PSMD6: variants seen among roughly 807,000 people sequenced by gnomAD.
PSMD6 encodes proteasome 26S subunit, non-ATPase 6.
Under a neutral mutation model 44.9 loss-of-function variants are expected in PSMD6, and 7 were observed. That is an observed-to-expected ratio of 0.16 (90% CI 0.09 to 0.29). The LOEUF is 0.29. Ranked by LOEUF, PSMD6 falls within the 10% of genes least tolerant of loss-of-function variation. The probability of loss-of-function intolerance (pLI) is 1.00; values close to 1 mark genes in which losing one functional copy is unlikely to be tolerated. For synonymous variants in PSMD6, 184 were observed against 172.7 expected (o/e 1.07, Z -0.51); for missense variants, 420 against 482.6 (o/e 0.87, Z 1.21).
At position 64,010,855 on chromosome 3, in the gene PSMD6, C is replaced by CT. The variant is rs1418648303; in HGVS notation, c.1073+22dup. ...CTACTTTTAAAATTTAGGAATGCCC[C>CT]TTATTCTGAGAAATGAGAGTACCTG... is the stretch of plus-strand genomic sequence containing the variant. On this transcript the variant is annotated intron_variant, in intron 7 of 7. Transcript: ENST00000295901. 1.9e-6 allele frequency: 3 copies of CT among 1,590,666 alleles called. No homozygotes were observed. In the South Asian group the frequency reaches 3.4e-5, roughly 18 times the overall value.
At chr3:64,023,978 A>G (rs1433308780), upstream of PSMD6, 3 of 528,174 alleles carry the variant, frequency 5.7e-6, no homozygotes, top group Non-Finnish European at 9.5e-6. Context: ...GAAAACCCCT[A>G]TCTAGAACTC....
Position 64,018,587 on chromosome 3 carries a change from C to G in PSMD6, c.826+12G>C. On this transcript the variant is annotated intron_variant, in intron 5 of 7. Coordinates refer to ENST00000295901, the MANE Select transcript of PSMD6 (RefSeq NM_014814.3). ...GAAGACAGATAATCAAAAATATCAACCCTATCCTTACCTAATGATTGGAAG... is the reference window on the plus strand; with the variant it reads ...GAAGACAGATAATCAAAAATATCAAGCCTATCCTTACCTAATGATTGGAAG... 6.6e-7 allele frequency: 1 copy of G among 1,513,174 alleles called. No individual in the cohort carries two copies. Among genetic ancestry groups the G allele is most frequent in the Non-Finnish European group, 9.2e-7 (1 of 1,092,204 alleles). The allele number at this position is 1,513,174 out of a possible 1,614,324, so 93.7% of individuals were successfully genotyped here.
chr3:64,013,118 G>C (rs1237575439), intron 6 of PSMD6: 1 of 204,824 alleles, frequency 4.9e-6, no homozygotes. Context: ...TCAGATCTAA[G>C]AGTCATTACC....
At chr3:64,022,598 C>T (rs771535910) in intron 1 of PSMD6, 75 bp from the exon 2 acceptor site, 157 of 1,547,736 alleles carry the variant, frequency 1.0e-4, no homozygotes, top group South Asian at 6.3e-4. Context: ...CGTATTTCAC[C>T]CCCCGCCCCG....
chr3:64,020,292 A>C (rs1023876257), intron 2 of PSMD6, among the ~76,000 whole-genome samples: 1 of 152,200 alleles, frequency 6.6e-6, no homozygotes, highest in Non-Finnish European at 1.5e-5. Context: ...CACTAAGTCC[A>C]TTAAGTATTT....
intron 5 of PSMD6, chr3:64,017,516 G>C (rs1215312589): frequency 2.0e-5 from 3 of 152,174 alleles, no homozygotes; most frequent in Non-Finnish European, 4.4e-5. Context: ...ATGACCAGGA[G>C]ACCTCAAGCA....
In PSMD6 at chr3:64,018,705, G is replaced by A. The variant is rs144006964; in HGVS notation, c.720C>T (p.Val240=). Residue 240 remains valine (V), a splice_region_variant and synonymous_variant, in exon 5 of 8, where the codon GTC becomes GTT. Transcript: ENST00000295901. ...CTTCAAGAATCTCTGCTCCTTTAAT[G>A]ACCTAGGTATTTTAAAAAACATATA... ...ALERPDLREK[V]IKGAEILEVL... is the part of the protein sequence containing the mutation. 16 of 1,580,404 alleles carry A rather than the reference G, an allele frequency of 1.0e-5. No individual in the cohort carries two copies. The African/African-American group carries it at 1.9e-4, about 19-fold the overall frequency.
chr3:64,010,960 T>TTTAGAGACAAAA lies in PSMD6; in HGVS notation c.996-17_996-6dup. 1 of 1,579,244 alleles carries TTTAGAGACAAAA rather than the reference T, an allele frequency of 6.3e-7. No homozygotes were observed. The highest frequency in any genetic ancestry group is 8.6e-7 in the Non-Finnish European group (1 of 1,160,782). On this transcript the variant is annotated splice_polypyrimidine_tract_variant and splice_region_variant and intron_variant, in intron 6 of 7. Coordinates refer to ENST00000295901, the MANE Select transcript of PSMD6 (RefSeq NM_014814.3). ...GCAATAAACCTGGACAGTTCCCTAA[T>TTTAGAGACAAAA]TTAGAGACAAAAAATAACAGAATTA...
intron 2 of PSMD6, among the ~76,000 whole-genome samples, chr3:64,020,206 G>A (rs189045314): frequency 1.3e-5 from 2 of 152,236 alleles, no homozygotes; most frequent in African/African-American, 2.4e-5. Flanking sequence ...CGGAGCCTCT[G>A]CTAACAAATT....
intron 5 of PSMD6, chr3:64,014,464 A>T (rs2076012996): frequency 6.6e-6 from 1 of 152,166 alleles, no homozygotes; most frequent in Non-Finnish European, 1.5e-5. Context: ...TGGACAGGGA[A>T]TACCTCTCTC....
At chr3:64,022,228 G>A (rs1040646156) in intron 2 of PSMD6, 90 bp downstream of exon 2, 24 of 1,408,560 alleles carry the variant, frequency 1.7e-5, no homozygotes, top group African/African-American at 1.1e-4. Context: ...CTAAAACGAA[G>A]TTAATTTTTT....
intron 5 of PSMD6, 95 bp from the exon 6 acceptor site, chr3:64,013,702 A>G: frequency 1.8e-6 from 2 of 1,117,322 alleles, no homozygotes; most frequent in Admixed American, 6.3e-5. Context: ...TCCAACAGAT[A>G]GATGAACAAG....
At chr3:64,018,763 T>C (rs1046463484) in intron 4 of PSMD6, 55 bp downstream of exon 4, 2 of 1,526,160 alleles carry the variant, frequency 1.3e-6, no homozygotes, top group African/African-American at 1.4e-5. Context: ...ATGATTTGTG[T>C]ATTTAAACAA....
In PSMD6 at chr3:64,020,476, A is replaced by C. The variant is rs186114273; in HGVS notation, c.352-1035T>G. On this transcript the variant is annotated intron_variant, in intron 2 of 7. Coordinates refer to ENST00000295901, the MANE Select transcript of PSMD6 (RefSeq NM_014814.3). Reference sequence around the variant, plus strand: ...TTGAAATTCTTCAAAACCTGAATCAAAAGTTTCAAGTTTCTCATTCATATG... The same window carrying C: ...TTGAAATTCTTCAAAACCTGAATCACAAGTTTCAAGTTTCTCATTCATATG... 3.3e-5 allele frequency among the ~76,000 whole-genome samples: 5 copies of C among 152,342 alleles called. No individual in the cohort carries two copies. In the East Asian group the frequency reaches 9.6e-4, roughly 29 times the overall value.
chr3:64,018,289 C>G (rs79493432), intron 5 of PSMD6: 6,098 of 192,626 alleles, frequency 0.032, 407 homozygotes, highest in African/African-American at 0.13. Context: ...GGCAAATACC[C>G]TCAGCAAAGG....
At chr3:64,013,146 T>C in intron 6 of PSMD6, 2 of 254,090 alleles carry the variant, frequency 7.9e-6, no homozygotes, top group South Asian at 2.4e-4. Context: ...CAGTGTGGTC[T>C]ACAAAGAAGT....
At chr3:64,016,009 A>T (rs2076037874) in intron 5 of PSMD6, 1 of 152,004 alleles carries the variant, frequency 6.6e-6, no homozygotes. Flanking sequence ...AACACAGTGA[A>T]ACCCTGTCTC....
In PSMD6 at chr3:64,012,788, CA is replaced by C. The variant is rs2075981300; in HGVS notation, c.995+650del. On this transcript the variant is annotated intron_variant, in intron 6 of 7. Transcript: ENST00000295901. ...ACTCCTCTCAATTCAAATCTCAGAG[CA>C]AACCTCACCTCCTTAAGCATGCCGT... 2.0e-5 allele frequency: 3 copies of C among 152,266 alleles called. No homozygotes were observed. The South Asian group carries it at 6.2e-4, about 31-fold the overall frequency. 9.4% of individuals were successfully genotyped at this position (152,266 alleles called of 1,614,324 possible).
intron 1 of PSMD6, 180 bp from the exon 2 acceptor site, chr3:64,022,703 G>A (rs1416877873): frequency 3.3e-6 from 5 of 1,537,056 alleles, no homozygotes; most frequent in Non-Finnish European, 4.4e-6. Flanking sequence ...ATGCTGGTGG[G>A]AGGTTTGCGT....
Sources: allele counts gnomAD v4.1 joint callset (sites outside exome capture counted in the v4.1 genomes callset), GRCh38; gene constraint gnomAD v4.1.1; transcripts MANE v1.5; gene names NCBI Gene and HGNC (gene_info 2026-07-23, HGNC 2026-07-21).